TYMS: variants seen among roughly 807,000 people sequenced by gnomAD.
TYMS encodes thymidylate synthase.
A neutral mutation model predicts 39.3 loss-of-function variants in TYMS; 21 were observed. The observed-to-expected ratio is 0.54, with a 90% CI of 0.38 to 0.77. The LOEUF (loss-of-function observed/expected upper bound fraction) is 0.77. TYMS is among the 30% of genes least tolerant of loss of function. TYMS has a pLI of 0.00. For synonymous variants in TYMS, 171 were observed against 162.2 expected (o/e 1.05, Z -0.41); for missense variants, 273 against 406.7 (o/e 0.67, Z 2.83).
At chr18:664,733 G>T (rs1177525841) in intron 3 of TYMS, among the ~76,000 whole-genome samples, 2 of 151,124 alleles carry the variant, frequency 1.3e-5, no homozygotes, top group African/African-American at 2.4e-5. Flanking sequence ...ATGATGTGTT[G>T]TTGAATTTTG....
intron 6 of TYMS, chr18:671,921 A>T: frequency 5.9e-6 from 1 of 168,096 alleles, no homozygotes; most frequent in Non-Finnish European, 1.3e-5. Flanking sequence ...CTGGGATTAC[A>T]GGCACATGCC....
At chr18:667,173 T>TGATGGA (rs2074855868) in intron 3 of TYMS, among the ~76,000 whole-genome samples, 1 of 67,318 alleles carries the variant, frequency 1.5e-5, no homozygotes, top group Non-Finnish European at 2.7e-5. Context: ...ATGGTGATGG[T>TGATGGA]GATGGTGATG....
In TYMS at chr18:672,889, G is replaced by C. The variant is rs970583280; in HGVS notation, c.834G>C (p.Lys278Asn). The change falls in exon 7 of 7, where the codon AAG (lysine) becomes AAC (asparagine). Residue 278 changes from lysine to asparagine, a missense_variant. This residue lies in a region of TYMS where 10 missense variants were observed against 38.2 expected (regional missense o/e 0.26). Coordinates refer to ENST00000323274, the MANE Select transcript of TYMS (RefSeq NM_001071.4). ...QLQREPRPFPKLRILRKVEKI... is the reference protein window; with the variant it reads ...QLQREPRPFPNLRILRKVEKI... ...AGCGAGAACCCAGACCTTTCCCAAA[G>C]CTCAGGATTCTTCGAAAAGTTGAGA... is the stretch of plus-strand genomic sequence containing the variant. 1 of 1,594,120 alleles carries C rather than the reference G, an allele frequency of 6.3e-7. No individual in the cohort carries two copies. The highest frequency in any genetic ancestry group is 8.6e-7 in the Non-Finnish European group (1 of 1,164,526).
chr18:664,918 G>A (rs1445709358), intron 3 of TYMS, among the ~76,000 whole-genome samples: 1 of 142,258 alleles, frequency 7.0e-6, no homozygotes, highest in African/African-American at 2.8e-5. Flanking sequence ...GATTCGGTTT[G>A]CCAGTATTTT....
chr18:658,001 G>A lies in TYMS; in HGVS notation c.205+54G>A, dbSNP rs73366471. 4,177 of 1,521,696 alleles carry A rather than the reference G, an allele frequency of 2.7e-3. 115 individuals are homozygous for A. In the African/African-American group the frequency reaches 0.048, roughly 17 times the overall value. The allele number at this position is 1,521,696 out of a possible 1,614,324, so 94.3% of individuals were successfully genotyped here. A position where few individuals can be genotyped will look rare whatever the true frequency, so the allele number is the denominator to read the frequency against. On this transcript the variant is annotated intron_variant, in intron 1 of 6. Coordinates refer to ENST00000323274, the MANE Select transcript of TYMS (RefSeq NM_001071.4). This position sits in a 1 kb window ranked among gnomAD's most constrained non-coding sequence, Gnocchi z 4.5. ...TGGCGGGAAGGAGGGAGGCGCGGCT[G>A]GGGAGAGCGCTCGGGAGCTGCCGGG...
At position 658,643 on chromosome 18, in the gene TYMS, G is replaced by T; in HGVS notation, c.205+696G>T. 1 of 272,746 alleles carries T rather than the reference G, an allele frequency of 3.7e-6. No homozygotes were observed. The highest frequency in any genetic ancestry group is 3.3e-5 in the South Asian group (1 of 30,154). 16.9% of individuals were successfully genotyped at this position (272,746 alleles called of 1,614,324 possible). ...CAGGCTTTCAGGGGACAGTGGGGCG[G>T]GGCGGGGTGGGCACAGGACGTTAGG... On this transcript the variant is annotated intron_variant, in intron 1 of 6. Coordinates refer to ENST00000323274, the MANE Select transcript of TYMS (RefSeq NM_001071.4). This position sits in a 1 kb window ranked among gnomAD's most constrained non-coding sequence, Gnocchi z 4.5.
At chr18:667,817 T>C (rs994431432) in intron 3 of TYMS, 5 of 152,128 alleles carry the variant, frequency 3.3e-5, no homozygotes, top group Non-Finnish European at 7.3e-5. Context: ...GTGAGGCCAG[T>C]CCCCGGGCTT....
chr18:662,326 G>A lies in TYMS; in HGVS notation c.454+6G>A, dbSNP rs748413573. The A allele has an allele frequency of 1.3e-6, 2 of 1,595,800 alleles. No individual in the cohort carries two copies. The highest frequency in any genetic ancestry group is 2.7e-5 in the African/African-American group (2 of 73,880). Reference sequence around the variant, plus strand: ...ATACAGAGATATGGAATCAGGTGAGGAGATAGAACAATGCCTTCCATTTCC... The same window carrying A: ...ATACAGAGATATGGAATCAGGTGAGAAGATAGAACAATGCCTTCCATTTCC... On this transcript the variant is annotated splice_donor_region_variant and intron_variant, in intron 3 of 6. Coordinates refer to ENST00000323274, the MANE Select transcript of TYMS (RefSeq NM_001071.4).
intron 4 of TYMS, chr18:669,390 T>TTTTTTTA (rs2074937286): frequency 2.4e-6 from 1 of 419,526 alleles, no homozygotes; most frequent in African/African-American, 2.3e-5. Flanking sequence ...TTTTTTTTTT[T>TTTTTTTA]GAGACAGAGT....
chr18:672,131 CAA>C (rs2075090649), intron 6 of TYMS: 1 of 152,184 alleles, frequency 6.6e-6, no homozygotes, highest in African/African-American at 2.4e-5. Flanking sequence ...GTCCAAACTT[CAA>C]AAGTCTGTTG....
chr18:666,568 G>A (rs532315168), intron 3 of TYMS, among the ~76,000 whole-genome samples: 4 of 152,184 alleles, frequency 2.6e-5, no homozygotes, highest in African/African-American at 4.8e-5. Flanking sequence ...TACTAGCTGG[G>A]CAGAGACCAG....
chr18:658,214 C>A lies in TYMS; in HGVS notation c.205+267C>A. 1.3e-6 allele frequency: 2 copies of A among 1,521,052 alleles called. No individual in the cohort carries two copies. Among genetic ancestry groups the A allele is most frequent in the Non-Finnish European group, 8.9e-7 (1 of 1,127,656 alleles). 94.2% of individuals were successfully genotyped at this position (1,521,052 alleles called of 1,614,324 possible). On this transcript the variant is annotated intron_variant, in intron 1 of 6. Coordinates refer to ENST00000323274, the MANE Select transcript of TYMS (RefSeq NM_001071.4). This position sits in a 1 kb window ranked among gnomAD's most constrained non-coding sequence, Gnocchi z 4.5. ...CTCCGCGGCCGGGCTCGCAGTCGCC[C>A]CAGTGATGCCGTGGCCCCCGAGGCG...
chr18:666,082 G>C (rs866153370), intron 3 of TYMS, among the ~76,000 whole-genome samples: 13 of 104,488 alleles, frequency 1.2e-4, no homozygotes, highest in African/African-American at 7.5e-4. Context: ...TTAACTTTCT[G>C]TCTCGTTGAT....
At position 658,572 on chromosome 18, in the gene TYMS, CGACAG is replaced by C. The variant is rs1383546872; in HGVS notation, c.205+628_205+632del. 4.0e-6 allele frequency: 1 copy of C among 248,808 alleles called. No homozygotes were observed. Among genetic ancestry groups the C allele is most frequent in the African/African-American group, 2.4e-5 (1 of 41,732 alleles). The allele number at this position is 248,808 out of a possible 1,614,324, so 15.4% of individuals were successfully genotyped here. A position where few individuals can be genotyped will look rare whatever the true frequency, so the allele number is the denominator to read the frequency against. The stretch of plus-strand genomic sequence containing the variant: ...TAGTCGTCCTTTCCTCTTTCCTTTC[CGACAG>C]GAGCACCCCAGGCAAAAAATGTCTC... On this transcript the variant is annotated intron_variant, in intron 1 of 6. Coordinates refer to ENST00000323274, the MANE Select transcript of TYMS (RefSeq NM_001071.4). The surrounding 1 kb of genome is among the most constrained non-coding windows in gnomAD (Gnocchi z 4.5).
chr18:670,683 G>A lies in TYMS; in HGVS notation c.557-9G>A, dbSNP rs529628684. 2.5e-6 allele frequency: 4 copies of A among 1,613,078 alleles called. No homozygotes were observed. Among genetic ancestry groups the A allele is most frequent in the African/African-American group, 2.7e-5 (2 of 74,968 alleles). ...CATCCCTCCTTATCTTCCTCTGCTGGTTCCTCAGATCTTCCTCTGATGGCG... is the reference window on the plus strand; with the variant it reads ...CATCCCTCCTTATCTTCCTCTGCTGATTCCTCAGATCTTCCTCTGATGGCG... On this transcript the variant is annotated splice_polypyrimidine_tract_variant and intron_variant, in intron 4 of 6. Coordinates refer to ENST00000323274, the MANE Select transcript of TYMS (RefSeq NM_001071.4).
intron 2 of TYMS, among the ~76,000 whole-genome samples, chr18:661,419 A>T (rs1188779229): frequency 6.6e-6 from 1 of 152,272 alleles, no homozygotes; most frequent in Non-Finnish European, 1.5e-5. Context: ...TAGTCTGATC[A>T]TTAGGAATAT....
chr18:662,849 A>AT (rs1262255285), intron 3 of TYMS, among the ~76,000 whole-genome samples: 2 of 149,120 alleles, frequency 1.3e-5, no homozygotes, highest in Non-Finnish European at 3.0e-5. Context: ...TGAACTCATC[A>AT]TTTTTTATGG....
In TYMS at chr18:673,126, ATTAATTT is replaced by A; in HGVS notation, c.*134_*140del. 2 of 1,065,382 alleles carry A rather than the reference ATTAATTT, an allele frequency of 1.9e-6. No individual in the cohort carries two copies. The highest frequency in any genetic ancestry group is 5.5e-5 in the South Asian group (2 of 36,546). The allele number at this position is 1,065,382 out of a possible 1,614,324, so 66.0% of individuals were successfully genotyped here. A position where few individuals can be genotyped will look rare whatever the true frequency, so the allele number is the denominator to read the frequency against. On this transcript the variant is annotated 3_prime_UTR_variant, in exon 7 of 7. Coordinates refer to ENST00000323274, the MANE Select transcript of TYMS (RefSeq NM_001071.4). Reference sequence around the variant, plus strand: ...AAAATCTGTCCGTGACCTATCAGTTATTAATTTTTAAGGATGTTGCCACTGGCAAATG... The same window carrying A: ...AAAATCTGTCCGTGACCTATCAGTTATTAAGGATGTTGCCACTGGCAAATG...
At position 657,704 on chromosome 18, in the gene TYMS, G is replaced by T; in HGVS notation, c.-39G>T. 1 of 1,156,104 alleles carries T rather than the reference G, an allele frequency of 8.6e-7. No individual in the cohort carries two copies. The highest frequency in any genetic ancestry group is 2.4e-5 in the South Asian group (1 of 41,500). 71.6% of individuals were successfully genotyped at this position (1,156,104 alleles called of 1,614,324 possible). On this transcript the variant is annotated 5_prime_UTR_variant, in exon 1 of 7. Coordinates refer to ENST00000323274, the MANE Select transcript of TYMS (RefSeq NM_001071.4). Reference sequence around the variant, plus strand: ...CCACTTGGCCTGCCTCCGTCCCGCCGCGCCACTTCGCCTGCCTCCGTCCCC... The same window carrying T: ...CCACTTGGCCTGCCTCCGTCCCGCCTCGCCACTTCGCCTGCCTCCGTCCCC...
Sources: allele counts gnomAD v4.1 joint callset (sites outside exome capture counted in the v4.1 genomes callset), GRCh38; gene constraint gnomAD v4.1.1; regional missense constraint gnomAD v4.1.1; non-coding constraint Gnocchi (gnomAD v3.1); transcripts MANE v1.5; gene names NCBI Gene and HGNC (gene_info 2026-07-23, HGNC 2026-07-21).